The following SLCO2B1 variants were observed in gnomAD, a reference collection of about 807,000 sequenced individuals.
SLCO2B1 encodes the protein solute carrier organic anion transporter family member 2B1, also known as OATP-RP2.
SLCO2B1 carries 41 observed loss-of-function variants against 67.3 expected under a neutral mutation model. That is an observed-to-expected ratio of 0.61 (90% CI 0.47 to 0.79). The LOEUF (loss-of-function observed/expected upper bound fraction) is 0.79. Ranked by LOEUF, SLCO2B1 falls within the 30% of genes least tolerant of loss-of-function variation. The probability of loss-of-function intolerance (pLI) is 0.00; values close to 1 mark genes in which losing one functional copy is unlikely to be tolerated. For synonymous variants in SLCO2B1, 379 were observed against 381.4 expected (o/e 0.99, Z 0.07); for missense variants, 837 against 920.1 (o/e 0.91, Z 1.17).
intron 10 of SLCO2B1, among the ~76,000 whole-genome samples, chr11:75,198,806 G>A (rs1275191584): frequency 1.3e-5 from 2 of 152,220 alleles, no homozygotes; most frequent in East Asian, 3.8e-4. Context: ...GCTTATGAGT[G>A]CATGAGTGAA....
In SLCO2B1 at chr11:75,196,607, T is replaced by G. The variant is rs1380681174; in HGVS notation, c.1527T>G (p.Arg509=). The G allele has an allele frequency of 1.2e-6, 2 of 1,613,950 alleles. No homozygotes were observed. Among genetic ancestry groups the G allele is most frequent in the African/African-American group, 2.7e-5 (2 of 74,924 alleles). The change falls in exon 10 of 14, where the codon CGT becomes CGG. Residue 509 remains arginine, a synonymous_variant. Coordinates refer to ENST00000289575, the MANE Select transcript of SLCO2B1 (RefSeq NM_007256.5). The part of the protein sequence containing the change: ...GFNPVCDPST[R]VEYITPCHAG... ...ACCCTGTCTGCGACCCCAGCACTCG[T>G]GTGGAATACATCACACCCTGCCACG...
Position 75,205,968 on chromosome 11 carries a change from T to G in SLCO2B1, c.*1388T>G, listed in dbSNP as rs909449882. 1.3e-5 allele frequency: 2 copies of G among 152,226 alleles called. No homozygotes were observed. Among genetic ancestry groups the G allele is most frequent in the Non-Finnish European group, 2.9e-5 (2 of 68,040 alleles). 9.4% of individuals were successfully genotyped at this position (152,226 alleles called of 1,614,324 possible). On this transcript the variant is annotated 3_prime_UTR_variant, in exon 14 of 14. Coordinates refer to ENST00000289575, the MANE Select transcript of SLCO2B1 (RefSeq NM_007256.5). The stretch of plus-strand genomic sequence containing the variant: ...GCTGGGGGCACATGTGGCCCTTGCC[T>G]TCTGAGCAGCTCCCAGTGCCAGGGC...
At chr11:75,179,159 AT>A (rs2140323240) in intron 7 of SLCO2B1, among the ~76,000 whole-genome samples, 1 of 147,372 alleles carries the variant, frequency 6.8e-6, no homozygotes, top group East Asian at 2.0e-4. Flanking sequence ...CTTTTTAAAA[AT>A]GTTTTCATTT....
chr11:75,168,580 C>T (rs12285479), intron 4 of SLCO2B1, among the ~76,000 whole-genome samples: 2,467 of 152,268 alleles, frequency 0.016, 70 homozygotes, highest in African/African-American at 0.054. Context: ...CTGAACCCTC[C>T]CCCAAAGTGA....
At chr11:75,185,257 G>C (rs1404411680) in intron 7 of SLCO2B1, among the ~76,000 whole-genome samples, 1 of 152,164 alleles carries the variant, frequency 6.6e-6, no homozygotes, top group Non-Finnish European at 1.5e-5. Context: ...AGAAGAAAGA[G>C]AAAGTGTCAG....
chr11:75,187,762 A>G (rs998864492), intron 7 of SLCO2B1, among the ~76,000 whole-genome samples: 1 of 152,150 alleles, frequency 6.6e-6, no homozygotes, highest in Non-Finnish European at 1.5e-5. Flanking sequence ...TTTAGTCACA[A>G]CGATATGGGT....
chr11:75,189,562 G>A (rs1015903172), intron 8 of SLCO2B1, among the ~76,000 whole-genome samples: 5 of 152,150 alleles, frequency 3.3e-5, no homozygotes, highest in Non-Finnish European at 1.5e-5. Context: ...TGGTTTAGGA[G>A]GGCATGTCCA....
rs1238291247 is a variant in SLCO2B1 at position 75,193,893 on chromosome 11, G to A, written c.1433+318G>A. Reference sequence around the variant, plus strand: ...TGTCCAGGGTGACCAAGCCCTGTGGGCCCAACAGAGATGAGCCAGAGGCTA... The same window carrying A: ...TGTCCAGGGTGACCAAGCCCTGTGGACCCAACAGAGATGAGCCAGAGGCTA... On this transcript the variant is annotated intron_variant, in intron 9 of 13. Transcript: ENST00000289575. This position sits in a 1 kb window ranked among gnomAD's most constrained non-coding sequence, Gnocchi z 4.2. Among the ~76,000 whole-genome samples, 4 of 152,166 alleles carry A rather than the reference G, an allele frequency of 2.6e-5. No homozygotes were observed. The highest frequency in any genetic ancestry group is 5.9e-5 in the Non-Finnish European group (4 of 68,010).
In SLCO2B1 at chr11:75,196,308, A is replaced by G. The variant is rs558314398; in HGVS notation, c.1434-206A>G. On this transcript the variant is annotated intron_variant, in intron 9 of 13. Coordinates refer to ENST00000289575, the MANE Select transcript of SLCO2B1 (RefSeq NM_007256.5). ...TTGAAGAAGCTCAAAGGCTTGTAGGATTGAGGGGGCCTGTCTCCATACTTG... is the reference window on the plus strand; with the variant it reads ...TTGAAGAAGCTCAAAGGCTTGTAGGGTTGAGGGGGCCTGTCTCCATACTTG... 40 of 572,492 alleles carry G rather than the reference A, an allele frequency of 7.0e-5. No individual in the cohort carries two copies. The African/African-American group carries it at 7.2e-4, about 10-fold the overall frequency. The allele number at this position is 572,492 out of a possible 1,614,324, so 35.5% of individuals were successfully genotyped here. A position where few individuals can be genotyped will look rare whatever the true frequency, so the allele number is the denominator to read the frequency against.
At chr11:75,194,309 G>T (rs142698909) in intron 9 of SLCO2B1, among the ~76,000 whole-genome samples, 4 of 152,306 alleles carry the variant, frequency 2.6e-5, no homozygotes, top group African/African-American at 9.6e-5. Context: ...CTCTTCTCCA[G>T]AATGATTTCA....
chr11:75,196,976 C>T (rs531171094), intron 10 of SLCO2B1, among the ~76,000 whole-genome samples: 23 of 152,274 alleles, frequency 1.5e-4, no homozygotes, highest in African/African-American at 1.9e-4. Context: ...ATTAGCCAGG[C>T]GTGGTGGTGT....
At chr11:75,175,813 A>G (rs1676881) in intron 7 of SLCO2B1, among the ~76,000 whole-genome samples, 103,139 of 152,116 alleles carry the variant, frequency 0.68, 36,195 homozygotes, top group African/African-American at 0.85. Context: ...AGAGACAGGG[A>G]ATGACAAATG....
chr11:75,162,199 C>A (rs1465530110), intron 1 of SLCO2B1, among the ~76,000 whole-genome samples: 4 of 152,266 alleles, frequency 2.6e-5, no homozygotes, highest in South Asian at 2.1e-4. Flanking sequence ...CCTGCACCTG[C>A]CCCAGATCTC....
intron 1 of SLCO2B1, among the ~76,000 whole-genome samples, chr11:75,156,043 A>T (rs1433259300): frequency 6.6e-6 from 1 of 152,184 alleles, no homozygotes; most frequent in Non-Finnish European, 1.5e-5. Context: ...GGACCACAGT[A>T]TACCAGGCAT....
chr11:75,202,958 G>A lies in SLCO2B1; in HGVS notation c.1821G>A (p.Arg607=). 6.2e-7 allele frequency: 1 copy of A among 1,613,906 alleles called. No individual in the cohort carries two copies. Residue 607 remains arginine (R), a synonymous_variant, in exon 12 of 14, where the codon AGG becomes AGA. Coordinates refer to ENST00000289575, the MANE Select transcript of SLCO2B1 (RefSeq NM_007256.5). ...LAVGIQFMFL[R]ILAWMPSPVI... ...TGGGCATCCAGTTCATGTTCCTGAG[G>A]ATTTTGGGTAAAGATCTTGCTTGGG...
intron 4 of SLCO2B1, 66 bp from the exon 5 acceptor site, chr11:75,169,106 TC>T (rs74885054): frequency 1.5e-6 from 2 of 1,295,574 alleles, no homozygotes; most frequent in Non-Finnish European, 2.1e-6. Flanking sequence ...AACAGTACCT[TC>T]CCCCGGGGTA....
chr11:75,203,429 T>A lies in SLCO2B1; in HGVS notation c.1949+2T>A. 6.2e-7 allele frequency: 1 copy of A among 1,613,976 alleles called. No homozygotes were observed. Among genetic ancestry groups the A allele is most frequent in the Non-Finnish European group, 8.5e-7 (1 of 1,179,936 alleles). ...CAATAATGACCTGCTCCGAAACCGGTGAGACCTGGTTTGATGGCTTGTGGG... is the reference window on the plus strand; with the variant it reads ...CAATAATGACCTGCTCCGAAACCGGAGAGACCTGGTTTGATGGCTTGTGGG... On this transcript the variant is annotated splice_donor_variant, in intron 13 of 13. Transcript: ENST00000289575. LOFTEE classifies it high-confidence loss of function.
intron 7 of SLCO2B1, among the ~76,000 whole-genome samples, chr11:75,173,464 G>A (rs371539975): frequency 1.3e-5 from 2 of 152,214 alleles, no homozygotes; most frequent in South Asian, 2.1e-4. Context: ...AGATCAGTCC[G>A]TGGCCTCCAC....
intron 7 of SLCO2B1, among the ~76,000 whole-genome samples, chr11:75,177,000 C>T (rs1284080206): frequency 6.6e-6 from 1 of 152,182 alleles, no homozygotes; most frequent in Admixed American, 6.5e-5. Flanking sequence ...AAGGGCTCCC[C>T]TAGACCACCA....
Sources: allele counts gnomAD v4.1 joint callset (sites outside exome capture counted in the v4.1 genomes callset), GRCh38; gene constraint gnomAD v4.1.1; non-coding constraint Gnocchi (gnomAD v3.1); transcripts MANE v1.5; gene names NCBI Gene and HGNC (gene_info 2026-07-23, HGNC 2026-07-21).